The following RANBP17 variants were observed in gnomAD, a reference collection of about 807,000 sequenced individuals.
RANBP17 encodes the protein ran-binding protein 17.
A neutral mutation model predicts 141.2 loss-of-function variants in RANBP17; 158 were observed. The observed-to-expected ratio is 1.12, with a 90% CI of 0.98 to 1.28. RANBP17 has a LOEUF of 1.28. RANBP17 is among the 50% of genes most tolerant of loss of function. RANBP17 has a pLI of 0.00. For missense variants in RANBP17, 1,438 were observed against 1,290.7 expected (o/e 1.11, Z -1.75); for synonymous variants, 430 against 450.0 (o/e 0.96, Z 0.56).
intron 14 of RANBP17, among the ~76,000 whole-genome samples, chr5:171,001,343 A>G (rs2127577453): frequency 6.6e-6 from 1 of 152,318 alleles, no homozygotes; most frequent in East Asian, 1.9e-4. Flanking sequence ...CGAATAAAAG[A>G]AGGAGAAAAA....
chr5:171,151,537 G>A (rs1056200463), intron 14 of RANBP17, among the ~76,000 whole-genome samples: 1 of 152,158 alleles, frequency 6.6e-6, no homozygotes, highest in African/African-American at 2.4e-5. Context: ...GGCTTAATAA[G>A]TTCATGAATT....
chr5:170,981,435 G>T (rs1777764238), intron 14 of RANBP17, among the ~76,000 whole-genome samples: 1 of 152,138 alleles, frequency 6.6e-6, no homozygotes, highest in Non-Finnish European at 1.5e-5. Flanking sequence ...GAGGGATCTG[G>T]TGGGAGGTAA....
At chr5:170,908,597 G>A (rs1771267646) in intron 5 of RANBP17, among the ~76,000 whole-genome samples, 1 of 148,040 alleles carries the variant, frequency 6.8e-6, no homozygotes, top group Non-Finnish European at 1.5e-5. Context: ...TCAGCAACAA[G>A]CAATATACCC....
At chr5:170,978,524 A>G (rs1042134725) in intron 14 of RANBP17, among the ~76,000 whole-genome samples, 2 of 152,202 alleles carry the variant, frequency 1.3e-5, no homozygotes, top group African/African-American at 4.8e-5. Flanking sequence ...ATTTAAAAAA[A>G]GAAAAACTAC....
chr5:171,248,108 T>C (rs1470634327), intron 24 of RANBP17, among the ~76,000 whole-genome samples: 1 of 152,202 alleles, frequency 6.6e-6, no homozygotes, highest in East Asian at 1.9e-4. Flanking sequence ...GGCTAACGCC[T>C]GTAATCTCAG....
chr5:171,064,119 T>G (rs543735799), intron 14 of RANBP17, among the ~76,000 whole-genome samples: 1 of 152,240 alleles, frequency 6.6e-6, no homozygotes, highest in Non-Finnish European at 1.5e-5. Flanking sequence ...ACTTCTGGAG[T>G]GAGGCAATGC....
intron 25 of RANBP17, among the ~76,000 whole-genome samples, chr5:171,267,334 G>C (rs1277790093): frequency 1.3e-5 from 2 of 151,866 alleles, no homozygotes; most frequent in East Asian, 3.9e-4. Flanking sequence ...GTGAGCCACT[G>C]CACCTAGCCC....
chr5:170,945,424 G>A (rs1360643422), intron 12 of RANBP17, among the ~76,000 whole-genome samples: 3 of 152,108 alleles, frequency 2.0e-5, no homozygotes, highest in Non-Finnish European at 4.4e-5. Flanking sequence ...AACATTTACT[G>A]AGCACTTATA....
At chr5:171,162,407 C>T (rs748041913) in intron 14 of RANBP17, among the ~76,000 whole-genome samples, 2 of 152,080 alleles carry the variant, frequency 1.3e-5, no homozygotes. Flanking sequence ...GAAGGCCTGT[C>T]GGGAGGCATT....
At chr5:171,127,666 C>T (rs1389326353) in intron 14 of RANBP17, among the ~76,000 whole-genome samples, 1 of 152,170 alleles carries the variant, frequency 6.6e-6, no homozygotes, top group African/African-American at 2.4e-5. Context: ...AGTGTCTTCT[C>T]ATCGCAGTTA....
At chr5:171,257,051 G>GA (rs2128010010) in intron 24 of RANBP17, among the ~76,000 whole-genome samples, 1 of 152,232 alleles carries the variant, frequency 6.6e-6, no homozygotes, top group East Asian at 1.9e-4. Flanking sequence ...GAGGAGGAGG[G>GA]AACTCTCCCT....
At chr5:170,949,333 C>T (rs1365235592) in intron 12 of RANBP17, among the ~76,000 whole-genome samples, 2 of 152,026 alleles carry the variant, frequency 1.3e-5, no homozygotes, top group Non-Finnish European at 2.9e-5. Flanking sequence ...TATCATATGA[C>T]TGATAAGAGA....
chr5:171,209,722 G>C (rs2127967306), intron 20 of RANBP17, among the ~76,000 whole-genome samples: 1 of 152,332 alleles, frequency 6.6e-6, no homozygotes, highest in South Asian at 2.1e-4. Flanking sequence ...GTTGAGCAAA[G>C]CCTTGAAAGA....
intron 25 of RANBP17, among the ~76,000 whole-genome samples, chr5:171,266,262 C>T (rs948316481): frequency 1.3e-5 from 2 of 152,138 alleles, no homozygotes; most frequent in African/African-American, 2.4e-5. Flanking sequence ...TGCCAGGCAG[C>T]TTGCTAGGAA....
At chr5:170,947,489 A>C (rs964110933) in intron 12 of RANBP17, among the ~76,000 whole-genome samples, 3 of 151,830 alleles carry the variant, frequency 2.0e-5, no homozygotes, top group African/African-American at 7.3e-5. Context: ...CAAGGAAAGA[A>C]GATAGGAAAT....
At chr5:171,087,011 G>C (rs1299788686) in intron 14 of RANBP17, among the ~76,000 whole-genome samples, 1 of 93,384 alleles carries the variant, frequency 1.1e-5, no homozygotes, top group Non-Finnish European at 2.2e-5. Flanking sequence ...GCTAGCTTTT[G>C]AATGTGTTTG....
chr5:171,206,455 A>G (rs892945812), intron 20 of RANBP17: 2 of 154,344 alleles, frequency 1.3e-5, no homozygotes, highest in African/African-American at 4.8e-5. Context: ...TGATCCCAGC[A>G]GGAAGTGATA....
chr5:170,882,345 G>A (rs1177684239), intron 3 of RANBP17, among the ~76,000 whole-genome samples: 2 of 152,138 alleles, frequency 1.3e-5, no homozygotes, highest in Non-Finnish European at 2.9e-5. Flanking sequence ...CTCCCAAAGT[G>A]CCAGGATTAC....
intron 14 of RANBP17, among the ~76,000 whole-genome samples, chr5:171,058,500 T>C (rs1783567265): frequency 6.6e-6 from 1 of 152,048 alleles, no homozygotes; most frequent in Non-Finnish European, 1.5e-5. Flanking sequence ...CTCATCATTT[T>C]TTATGGCTGC....
Sources: allele counts gnomAD v4.1 joint callset (sites outside exome capture counted in the v4.1 genomes callset), GRCh38; gene constraint gnomAD v4.1.1; transcripts MANE v1.5; gene names NCBI Gene and HGNC (gene_info 2026-07-23, HGNC 2026-07-21).